GDAP1: variants seen among roughly 807,000 people sequenced by gnomAD.
GDAP1 encodes the protein ganglioside-induced differentiation-associated protein 1.
GDAP1 carries 34 observed loss-of-function variants against 40.1 expected under a neutral mutation model. The observed-to-expected ratio is 0.85, with a 90% CI of 0.64 to 1.13. The LOEUF (loss-of-function observed/expected upper bound fraction) is 1.13, where lower values mean the gene tolerates loss of function less well. Among genes scored for constraint, GDAP1 ranks in the 50% most tolerant of loss-of-function variants. GDAP1 has a pLI of 0.00. For missense variants in GDAP1, 374 were observed against 433.7 expected (o/e 0.86, Z 1.22); for synonymous variants, 170 against 157.4 (o/e 1.08, Z -0.60).
rs1384588108 is a variant in GDAP1 at position 74,377,111 on chromosome 8, G to A, written c.165+25790G>A. On this transcript the variant is annotated intron_variant, in intron 2 of 2. Coordinates refer to the GDAP1 transcript ENST00000523640. ...AACTAAAACTATAAAAGTTCTAGAA[G>A]AAAATAAAGAAAACATTTATTTTGG... Among the ~76,000 whole-genome samples the A allele has an allele frequency of 2.0e-5, 3 of 152,120 alleles. No individual in the cohort carries two copies. The East Asian group carries it at 5.8e-4, about 29-fold the overall frequency.
At chr8:74,468,389 C>T (rs1284360625) in intron 2 of GDAP1, among the ~76,000 whole-genome samples, 1 of 151,416 alleles carries the variant, frequency 6.6e-6, no homozygotes, top group Non-Finnish European at 1.5e-5. Flanking sequence ...AAGACCTGTC[C>T]ATCTGTGCCC....
intron 2 of GDAP1, among the ~76,000 whole-genome samples, chr8:74,487,173 A>G (rs1177256053): frequency 6.6e-6 from 1 of 152,162 alleles, no homozygotes; most frequent in Non-Finnish European, 1.5e-5. Flanking sequence ...ATATGTGAAA[A>G]TAGGCTGTTC....
Position 74,366,495 on chromosome 8 carries a change from C to T in GDAP1, c.*2128C>T, listed in dbSNP as rs1215918341. The T allele has an allele frequency of 2.2e-6, 1 of 454,380 alleles. No individual in the cohort carries two copies. Among genetic ancestry groups the T allele is most frequent in the East Asian group, 6.9e-5 (1 of 14,400 alleles). 28.1% of individuals were successfully genotyped at this position (454,380 alleles called of 1,614,324 possible). ...GATTACAGTATCACACAATGTCAAG[C>T]TAGAGTTAAACACAGTATTAGCTAA... On this transcript the variant is annotated 3_prime_UTR_variant, in exon 6 of 6. Transcript: ENST00000220822.
At position 74,365,640 on chromosome 8, in the gene GDAP1, C is replaced by G. The variant is rs1233082501; in HGVS notation, c.*1273C>G. ...TGAACAACAGTAGCCAAAGAATGTA[C>G]TAACTTTATCATTAATAGGAAAGTC... On this transcript the variant is annotated 3_prime_UTR_variant, in exon 6 of 6. Transcript: ENST00000220822. The G allele has an allele frequency of 2.2e-6, 1 of 454,292 alleles. No homozygotes were observed. The highest frequency in any genetic ancestry group is 4.4e-6 in the Non-Finnish European group (1 of 226,774). The allele number at this position is 454,292 out of a possible 1,614,324, so 28.1% of individuals were successfully genotyped here.
intron 4 of GDAP1, among the ~76,000 whole-genome samples, chr8:74,362,409 C>T (rs1181894233): frequency 6.6e-5 from 10 of 152,084 alleles, no homozygotes; most frequent in Admixed American, 6.5e-4. Context: ...TTGCAAGCTT[C>T]TCTCATATTA....
At chr8:74,378,385 G>GGT (rs1809893945) in intron 2 of GDAP1, among the ~76,000 whole-genome samples, 2 of 152,150 alleles carry the variant, frequency 1.3e-5, no homozygotes, top group South Asian at 4.1e-4. Context: ...TTACCTAGAT[G>GGT]ACATTGCTGG....
At position 74,361,916 on chromosome 8, in the gene GDAP1, A is replaced by T; in HGVS notation, c.517A>T (p.Lys173Ter). 1.2e-6 allele frequency: 2 copies of T among 1,609,076 alleles called. No individual in the cohort carries two copies. The highest frequency in any genetic ancestry group is 1.7e-6 in the Non-Finnish European group (2 of 1,175,508). ...QIGNTESELKKLAEENPDLQE... is the reference protein window; with the variant it reads ...QIGNTESELK Reference sequence around the variant, plus strand: ...TGGAAACACAGAGTCTGAGCTGAAGAAACTTGCTGAAGAAAACCCAGATTT... The same window carrying T: ...TGGAAACACAGAGTCTGAGCTGAAGTAACTTGCTGAAGAAAACCCAGATTT... Residue 173 changes from lysine (K) to a stop codon, truncating the protein, a stop_gained, in exon 4 of 6, where the codon AAA becomes TAA. Coordinates refer to ENST00000220822, the MANE Select transcript of GDAP1 (RefSeq NM_018972.4). LOFTEE classifies it high-confidence loss of function.
At chr8:74,413,215 C>T (rs1033319001) in intron 2 of GDAP1, among the ~76,000 whole-genome samples, 1 of 149,772 alleles carries the variant, frequency 6.7e-6, no homozygotes, top group African/African-American at 2.6e-5. Flanking sequence ...GTTTCTTCTA[C>T]TTAATGCAGC....
At chr8:74,467,616 G>T (rs1038940612) in intron 2 of GDAP1, among the ~76,000 whole-genome samples, 1 of 152,178 alleles carries the variant, frequency 6.6e-6, no homozygotes, top group Non-Finnish European at 1.5e-5. Context: ...GTTCACTGCA[G>T]CACAGAGAGT....
At chr8:74,474,526 C>T (rs886579183) in intron 2 of GDAP1, among the ~76,000 whole-genome samples, 5 of 152,024 alleles carry the variant, frequency 3.3e-5, no homozygotes, top group Admixed American at 2.0e-4. Context: ...TTATTGAAAG[C>T]CTTTTCTGCA....
chr8:74,454,043 A>G lies in GDAP1; in HGVS notation c.166-34635A>G, dbSNP rs1291021373. On this transcript the variant is annotated intron_variant, in intron 2 of 2. Coordinates refer to the GDAP1 transcript ENST00000523640. Reference sequence around the variant, plus strand: ...CCTGGGAATCAAGATACTATTAAGTATTGTATGTAAATAGAATTATTGCAG... The same window carrying G: ...CCTGGGAATCAAGATACTATTAAGTGTTGTATGTAAATAGAATTATTGCAG... Among the ~76,000 whole-genome samples the G allele has an allele frequency of 4.8e-5, 4 of 82,812 alleles. 1 individual carries two copies. Among genetic ancestry groups the G allele is most frequent in the African/African-American group, 2.1e-4 (4 of 18,872 alleles). 54.3% of individuals were successfully genotyped at this position (82,812 alleles called of 152,430 possible). A position where few individuals can be genotyped will look rare whatever the true frequency, so the allele number is the denominator to read the frequency against.
intron 2 of GDAP1, among the ~76,000 whole-genome samples, chr8:74,441,186 A>C (rs1457217675): frequency 6.6e-6 from 1 of 152,136 alleles, no homozygotes; most frequent in East Asian, 1.9e-4. Context: ...TGATTTAAGG[A>C]GCCCTTAGAT....
chr8:74,429,366 A>G (rs1455504751), intron 2 of GDAP1, among the ~76,000 whole-genome samples: 1 of 152,180 alleles, frequency 6.6e-6, no homozygotes, highest in African/African-American at 2.4e-5. Context: ...TTATTCTTCT[A>G]CAAACAAGAA....
chr8:74,451,534 A>T lies in GDAP1; in HGVS notation c.166-37144A>T, dbSNP rs1322985454. On this transcript the variant is annotated intron_variant, in intron 2 of 2. Coordinates refer to the GDAP1 transcript ENST00000523640. ...TTAAGTACATTTTTACCATTAAAAA[A>T]ATTTTTTTATAGACCTGAGTTTCCA... Among the ~76,000 whole-genome samples the T allele has an allele frequency of 2.4e-5, 2 of 84,034 alleles. 1 individual carries two copies. The highest frequency in any genetic ancestry group is 6.9e-4 in the East Asian group (2 of 2,904). The allele number at this position is 84,034 out of a possible 152,430, so 55.1% of individuals were successfully genotyped here.
chr8:74,423,440 A>T (rs1013143470), intron 2 of GDAP1, among the ~76,000 whole-genome samples: 18 of 148,426 alleles, frequency 1.2e-4, no homozygotes, highest in African/African-American at 4.4e-4. Context: ...GTATATATAA[A>T]AGTATATATA....
chr8:74,445,426 A>G (rs1020064058), intron 2 of GDAP1, among the ~76,000 whole-genome samples: 1 of 152,096 alleles, frequency 6.6e-6, no homozygotes. Flanking sequence ...GAAGCTGTTT[A>G]TTTTGCTTCT....
chr8:74,433,250 C>A (rs1322513741), intron 2 of GDAP1, among the ~76,000 whole-genome samples: 1 of 152,150 alleles, frequency 6.6e-6, no homozygotes, highest in Non-Finnish European at 1.5e-5. Flanking sequence ...ATAAAACTTA[C>A]AACTGTATTA....
chr8:74,412,068 TG>T (rs1805722106), intron 2 of GDAP1, among the ~76,000 whole-genome samples: 1 of 149,832 alleles, frequency 6.7e-6, no homozygotes, highest in African/African-American at 2.6e-5. Context: ...AGATAAAAGT[TG>T]GGACATTTTC....
At chr8:74,379,551 T>G (rs1809915473) in intron 2 of GDAP1, among the ~76,000 whole-genome samples, 1 of 152,192 alleles carries the variant, frequency 6.6e-6, no homozygotes, top group Non-Finnish European at 1.5e-5. Context: ...TTCTGGCATT[T>G]GAAATGCAGC....
Sources: allele counts gnomAD v4.1 joint callset (sites outside exome capture counted in the v4.1 genomes callset), GRCh38; gene constraint gnomAD v4.1.1; transcripts MANE v1.5; gene names NCBI Gene and HGNC (gene_info 2026-07-23, HGNC 2026-07-21).